The following ADGRL3 variants were observed in gnomAD, a reference collection of about 807,000 sequenced individuals.
ADGRL3 encodes the protein calcium-independent alpha-latrotoxin receptor 3.
ADGRL3 carries 62 observed loss-of-function variants against 153.5 expected under a neutral mutation model. The ratio of observed to expected loss-of-function variants is 0.40; its 90% confidence interval spans 0.33 to 0.50. ADGRL3 has a LOEUF of 0.50. Among genes scored for constraint, ADGRL3 ranks in the 20% least tolerant of loss-of-function variants. The pLI is 0.47. For synonymous variants in ADGRL3, 710 were observed against 672.5 expected (o/e 1.06, Z -0.86); for missense variants, 1,641 against 1,859.4 (o/e 0.88, Z 2.16).
intron 1 of ADGRL3, among the ~76,000 whole-genome samples, chr4:61,298,922 T>A (rs1302746274): frequency 1.3e-5 from 2 of 152,212 alleles, no homozygotes; most frequent in East Asian, 3.8e-4. Flanking sequence ...GCTTTTCATT[T>A]AGTAGTTTAG....
intron 8 of ADGRL3, among the ~76,000 whole-genome samples, chr4:61,755,053 A>G (rs1436525018): frequency 6.6e-6 from 1 of 152,236 alleles, no homozygotes; most frequent in Middle Eastern, 3.4e-3. Flanking sequence ...AGTCTTTGCT[A>G]TTGTGAATAG....
intron 21 of ADGRL3, among the ~76,000 whole-genome samples, chr4:62,016,444 G>A (rs986187516): frequency 6.6e-6 from 1 of 152,068 alleles, no homozygotes; most frequent in African/African-American, 2.4e-5. Context: ...TTTATGTAAT[G>A]AGCTAAGTTT....
At chr4:61,959,465 T>C (rs530856255) in intron 17 of ADGRL3, among the ~76,000 whole-genome samples, 1 of 152,304 alleles carries the variant, frequency 6.6e-6, no homozygotes, top group Admixed American at 6.5e-5. Context: ...AAGATTACTA[T>C]TATCACCCCA....
intron 1 of ADGRL3, among the ~76,000 whole-genome samples, chr4:61,257,491 C>G (rs1390682763): frequency 1.3e-5 from 2 of 152,018 alleles, no homozygotes; most frequent in Non-Finnish European, 2.9e-5. Flanking sequence ...GCCAGTGAAC[C>G]TATTTGTTTA....
chr4:61,801,118 G>C (rs527656242), intron 8 of ADGRL3, among the ~76,000 whole-genome samples: 1 of 152,208 alleles, frequency 6.6e-6, no homozygotes, highest in South Asian at 2.1e-4. Flanking sequence ...TACACCTGTG[G>C]GTGAAAACGT....
At chr4:61,709,871 GA>G (rs1350232512) in intron 6 of ADGRL3, among the ~76,000 whole-genome samples, 1 of 152,154 alleles carries the variant, frequency 6.6e-6, no homozygotes, top group Non-Finnish European at 1.5e-5. Context: ...CAGCATGATA[GA>G]ATAAAATTTA....
chr4:61,343,487 A>G (rs1306531866), intron 1 of ADGRL3, among the ~76,000 whole-genome samples: 2 of 152,134 alleles, frequency 1.3e-5, no homozygotes, highest in African/African-American at 2.4e-5. Context: ...GATGTGTGAG[A>G]AGGAATCTGG....
At chr4:61,694,192 T>A (rs1485214152) in intron 6 of ADGRL3, among the ~76,000 whole-genome samples, 641 of 48,682 alleles carry the variant, frequency 0.013, 18 homozygotes, top group African/African-American at 0.064. Context: ...TTTTTTTTTT[T>A]TTTTTTTTTT....
At chr4:61,497,024 G>T (rs1264332514) in intron 2 of ADGRL3, 97 bp from the exon 3 acceptor site, 6 of 381,042 alleles carry the variant, frequency 1.6e-5, no homozygotes, top group East Asian at 5.7e-5. Flanking sequence ...CTGAGGCCAG[G>T]ATATTAACAT....
chr4:61,545,305 A>G (rs1367578968), intron 4 of ADGRL3, among the ~76,000 whole-genome samples: 1 of 152,102 alleles, frequency 6.6e-6, no homozygotes, highest in Non-Finnish European at 1.5e-5. Flanking sequence ...ACCCTGACAA[A>G]CCTGGTTAGT....
intron 6 of ADGRL3, among the ~76,000 whole-genome samples, chr4:61,700,975 AGTTTGGATTCCT>A (rs1373749096): frequency 3.9e-5 from 6 of 152,192 alleles, no homozygotes; most frequent in Non-Finnish European, 7.3e-5. Context: ...AGAGACCTGA[AGTTTGGATTCCT>A]TCAGAGTCGT....
At chr4:61,476,103 G>A (rs2098045589) in intron 2 of ADGRL3, among the ~76,000 whole-genome samples, 1 of 152,166 alleles carries the variant, frequency 6.6e-6, no homozygotes, top group African/African-American at 2.4e-5. Context: ...AACAGCCATA[G>A]TACTCTGTCT....
At chr4:61,576,547 T>C (rs6823672) in intron 4 of ADGRL3, among the ~76,000 whole-genome samples, 7,688 of 148,698 alleles carry the variant, frequency 0.052, 637 homozygotes, top group African/African-American at 0.18. Flanking sequence ...ATATAACAAG[T>C]AGAGATTCAC....
chr4:62,018,186 C>A (rs2151339631), intron 21 of ADGRL3, among the ~76,000 whole-genome samples: 1 of 152,126 alleles, frequency 6.6e-6, no homozygotes, highest in East Asian at 1.9e-4. Context: ...AATAGACATC[C>A]CAAAGGCCAG....
At chr4:61,451,969 A>AT (rs935522252) in intron 2 of ADGRL3, among the ~76,000 whole-genome samples, 1 of 152,132 alleles carries the variant, frequency 6.6e-6, no homozygotes, top group Non-Finnish European at 1.5e-5. Context: ...GCATCACTTT[A>AT]TTTTCAAAGC....
chr4:62,028,308 A>T (rs550500992), intron 21 of ADGRL3, among the ~76,000 whole-genome samples: 39 of 151,938 alleles, frequency 2.6e-4, no homozygotes, highest in African/African-American at 9.1e-4. Context: ...TACTCAGAAC[A>T]CAAACAGAAA....
At chr4:61,817,950 T>G (rs143600110) in intron 9 of ADGRL3, among the ~76,000 whole-genome samples, 1 of 152,060 alleles carries the variant, frequency 6.6e-6, no homozygotes, top group South Asian at 2.1e-4. Flanking sequence ...AAGATGAGAT[T>G]TGGGTAGAGA....
Position 61,798,493 on chromosome 4 carries a change from C to G in ADGRL3, c.1400-15316C>G, listed in dbSNP as rs573798403. 3.3e-5 allele frequency among the ~76,000 whole-genome samples: 5 copies of G among 152,304 alleles called. No homozygotes were observed. In the South Asian group the frequency reaches 1.0e-3, roughly 32 times the overall value. ...GATGTGTGAAACAAAATCATCTAAA[C>G]TCTTTTTGCCAAATGATTCTTGGCA... On this transcript the variant is annotated intron_variant, in intron 8 of 26. Transcript: ENST00000683033.
intron 5 of ADGRL3, among the ~76,000 whole-genome samples, chr4:61,669,566 A>C (rs1187167869): frequency 6.6e-6 from 1 of 152,206 alleles, no homozygotes; most frequent in African/African-American, 2.4e-5. Context: ...TTAAATTACA[A>C]GATATCTGTA....
Sources: allele counts gnomAD v4.1 joint callset (sites outside exome capture counted in the v4.1 genomes callset), GRCh38; gene constraint gnomAD v4.1.1; transcripts MANE v1.5; gene names NCBI Gene and HGNC (gene_info 2026-07-23, HGNC 2026-07-21).